RNASEH2B: variants seen among roughly 807,000 people sequenced by gnomAD.
RNASEH2B encodes the protein Aicardi-Goutieres syndrome 2 protein.
Under a neutral mutation model 45.0 loss-of-function variants are expected in RNASEH2B, and 36 were observed. The observed-to-expected ratio is 0.80, with a 90% CI of 0.61 to 1.06. The LOEUF is 1.06. Among genes scored for constraint, RNASEH2B ranks in the 50% least tolerant of loss-of-function variants. The pLI is 0.00. For synonymous variants in RNASEH2B, 119 were observed against 125.7 expected (o/e 0.95, Z 0.35); for missense variants, 361 against 360.3 (o/e 1.00, Z -0.02).
At chr13:50,964,442 C>A (rs966666242) in intron 9 of RNASEH2B, among the ~76,000 whole-genome samples, 5 of 152,096 alleles carry the variant, frequency 3.3e-5, no homozygotes, top group Non-Finnish European at 7.4e-5. Context: ...CTCATTTAAT[C>A]CCTACAAAAA....
chr13:50,967,277 C>T (rs1256534286), intron 9 of RNASEH2B, among the ~76,000 whole-genome samples: 2 of 152,176 alleles, frequency 1.3e-5, no homozygotes, highest in Admixed American at 6.5e-5. Flanking sequence ...GAAAATACAA[C>T]AAAATGCTCA....
At chr13:50,927,895 C>T (rs1951621116) in intron 2 of RNASEH2B, among the ~76,000 whole-genome samples, 1 of 151,698 alleles carries the variant, frequency 6.6e-6, no homozygotes, top group South Asian at 2.1e-4. Context: ...AAGGCTTTTA[C>T]TTGACATGCC....
chr13:50,909,891 A>G lies in RNASEH2B; in HGVS notation c.-186A>G. 2.1e-6 allele frequency: 1 copy of G among 474,210 alleles called. No individual in the cohort carries two copies. Among genetic ancestry groups the G allele is most frequent in the Non-Finnish European group, 3.7e-6 (1 of 270,370 alleles). 29.4% of individuals were successfully genotyped at this position (474,210 alleles called of 1,614,324 possible). A position where few individuals can be genotyped will look rare whatever the true frequency, so the allele number is the denominator to read the frequency against. On this transcript the variant is annotated 5_prime_UTR_variant, in exon 1 of 11. Coordinates refer to ENST00000336617, the MANE Select transcript of RNASEH2B (RefSeq NM_024570.4). The stretch of plus-strand genomic sequence containing the variant: ...CGCCTGGCGCTAAATTTAAAAACGT[A>G]ACACGAGCAGCAGGCTGGTCTCGGA...
chr13:50,932,536 C>T (rs533955851), intron 4 of RNASEH2B, among the ~76,000 whole-genome samples: 3 of 152,322 alleles, frequency 2.0e-5, no homozygotes, highest in Non-Finnish European at 2.9e-5. Context: ...AAAGAGCCAG[C>T]AGTTTTACCC....
At chr13:50,918,346 C>G (rs1879863439) in intron 1 of RNASEH2B, among the ~76,000 whole-genome samples, 1 of 152,170 alleles carries the variant, frequency 6.6e-6, no homozygotes, top group African/African-American at 2.4e-5. Flanking sequence ...ACTGTGTTAA[C>G]CAGGATGGTC....
intron 5 of RNASEH2B, 182 bp from the exon 6 acceptor site, chr13:50,943,139 G>T (rs1463483460): frequency 3.5e-6 from 2 of 575,154 alleles, no homozygotes; most frequent in Non-Finnish European, 6.2e-6. Context: ...GACTCCTGAG[G>T]TAGCCACATT....
At chr13:50,950,506 C>G (rs1359054557) in intron 9 of RNASEH2B, 1 of 152,186 alleles carries the variant, frequency 6.6e-6, no homozygotes, top group Non-Finnish European at 1.5e-5. Context: ...GGGCAGAAGT[C>G]TGTTGCTGTA....
intron 1 of RNASEH2B, chr13:50,913,120 C>A (rs968636558): frequency 6.6e-6 from 1 of 152,304 alleles, no homozygotes; most frequent in East Asian, 1.9e-4. Context: ...AACCATTTCC[C>A]ATTTCAGCAA....
chr13:50,959,954 T>A, downstream of RNASEH2B: 1 of 329,690 alleles, frequency 3.0e-6, no homozygotes, highest in Non-Finnish European at 5.4e-6. Flanking sequence ...TAACTTACTT[T>A]GGGAAAACAA....
intron 1 of RNASEH2B, among the ~76,000 whole-genome samples, chr13:50,913,844 A>G (rs1014500061): frequency 1.3e-5 from 2 of 152,240 alleles, no homozygotes; most frequent in Non-Finnish European, 2.9e-5. Flanking sequence ...AGGCATCGTG[A>G]TAATCACAAA....
chr13:50,930,902 G>T, intron 4 of RNASEH2B, 143 bp downstream of exon 4: 2 of 739,346 alleles, frequency 2.7e-6, no homozygotes, highest in East Asian at 2.5e-5. Flanking sequence ...TGAATCATAT[G>T]GGCCAGTGCA....
intron 1 of RNASEH2B, chr13:50,912,232 C>T (rs1215240056): frequency 6.6e-6 from 1 of 152,240 alleles, no homozygotes; most frequent in East Asian, 1.9e-4. Flanking sequence ...TCTGAGGGTA[C>T]AACAAGGTTT....
At position 50,930,684 on chromosome 13, in the gene RNASEH2B, A is replaced by C; in HGVS notation, c.246A>C (p.Gly82=). Residue 82 remains glycine (G), a splice_region_variant and synonymous_variant, in exon 4 of 11, where the codon GGA becomes GGC. Coordinates refer to ENST00000336617, the MANE Select transcript of RNASEH2B (RefSeq NM_024570.4). ...SWFINQSVQS[G]GLLHFATPVD... The stretch of plus-strand genomic sequence containing the variant: ...CTTCATCCTTTTTGTAATCTGCAGG[A>C]GGTCTTCTCCATTTTGCCACACCTG... 6.2e-7 allele frequency: 1 copy of C among 1,608,906 alleles called. No individual in the cohort carries two copies. The highest frequency in any genetic ancestry group is 2.2e-5 in the East Asian group (1 of 44,864).
chr13:50,931,741 A>G (rs985101274), intron 4 of RNASEH2B, among the ~76,000 whole-genome samples: 3 of 152,246 alleles, frequency 2.0e-5, no homozygotes, highest in Non-Finnish European at 2.9e-5. Flanking sequence ...TAAAAAATCA[A>G]CAAGTAGTTT....
chr13:50,931,240 A>G (rs1951678100), intron 4 of RNASEH2B, among the ~76,000 whole-genome samples: 1 of 152,114 alleles, frequency 6.6e-6, no homozygotes, highest in African/African-American at 2.4e-5. Flanking sequence ...GATAAAATTT[A>G]CCTTTGGAAT....
At chr13:50,946,089 T>A (rs546595883) in intron 7 of RNASEH2B, among the ~76,000 whole-genome samples, 39 of 152,336 alleles carry the variant, frequency 2.6e-4, no homozygotes, top group Non-Finnish European at 1.0e-4. Flanking sequence ...TCAATATATT[T>A]TGATTTTAGA....
In RNASEH2B at chr13:50,910,073, C is replaced by A. The variant is rs1566071117; in HGVS notation, c.-4C>A. The stretch of plus-strand genomic sequence containing the variant: ...CCTGCGGCGCCCCGGAAGAGGCGGG[C>A]GGCATGGCCGCTGGCGTGGACTGCG... On this transcript the variant is annotated 5_prime_UTR_variant, in exon 1 of 11. Transcript: ENST00000336617. The A allele has an allele frequency of 1.4e-6, 2 of 1,461,906 alleles. No individual in the cohort carries two copies. The highest frequency in any genetic ancestry group is 1.8e-6 in the Non-Finnish European group (2 of 1,111,474). 90.6% of individuals were successfully genotyped at this position (1,461,906 alleles called of 1,614,324 possible). A position where few individuals can be genotyped will look rare whatever the true frequency, so the allele number is the denominator to read the frequency against.
At chr13:50,929,005 A>G (rs1951641876) in intron 2 of RNASEH2B, among the ~76,000 whole-genome samples, 1 of 120,622 alleles carries the variant, frequency 8.3e-6, no homozygotes, top group Non-Finnish European at 1.6e-5. Flanking sequence ...ATAAAGCTTT[A>G]CTCACTCCCT....
chr13:50,927,832 A>G (rs535512646), intron 2 of RNASEH2B, among the ~76,000 whole-genome samples: 4 of 152,134 alleles, frequency 2.6e-5, no homozygotes, highest in Non-Finnish European at 4.4e-5. Flanking sequence ...ATTTATATCC[A>G]TTTTATCTTA....
Sources: gnomAD v4.1 joint callset for allele counts (sites outside exome capture counted in the v4.1 genomes callset) on GRCh38, gnomAD v4.1.1 for gene constraint, MANE v1.5 for transcripts, NCBI Gene and HGNC (gene_info 2026-07-23, HGNC 2026-07-21) for gene names.